The following CDKAL1 variants were observed in gnomAD, a reference collection of about 807,000 sequenced individuals.
CDKAL1 encodes the protein CDKAL1 threonylcarbamoyladenosine tRNA methylthiotransferase, also known as threonylcarbamoyladenosine tRNA methylthiotransferase.
CDKAL1 carries 32 observed loss-of-function variants against 68.2 expected under a neutral mutation model. The observed-to-expected ratio is 0.47, with a 90% CI of 0.35 to 0.63. The LOEUF is 0.63. Among genes scored for constraint, CDKAL1 ranks in the 30% least tolerant of loss-of-function variants. The pLI is 0.00. For synonymous variants in CDKAL1, 234 were observed against 244.3 expected (o/e 0.96, Z 0.39); for missense variants, 606 against 696.7 (o/e 0.87, Z 1.47).
intron 13 of CDKAL1, among the ~76,000 whole-genome samples, chr6:21,157,807 T>C (rs1776717452): frequency 6.6e-6 from 1 of 152,230 alleles, no homozygotes; most frequent in Non-Finnish European, 1.5e-5. Flanking sequence ...CCAGAGGGAC[T>C]GTGATTTCAC....
intron 11 of CDKAL1, among the ~76,000 whole-genome samples, chr6:21,059,087 T>C (rs1019340293): frequency 3.2e-4 from 48 of 152,224 alleles, no homozygotes; most frequent in African/African-American, 1.1e-3. Flanking sequence ...AGATCAGAGA[T>C]TTCTCTGTAA....
chr6:21,134,367 C>T (rs1254964744), intron 13 of CDKAL1, among the ~76,000 whole-genome samples: 1 of 152,130 alleles, frequency 6.6e-6, no homozygotes, highest in East Asian at 1.9e-4. Flanking sequence ...TTACCTTGTA[C>T]AAAATTGCTA....
chr6:21,176,706 T>G (rs1317393977), intron 13 of CDKAL1, among the ~76,000 whole-genome samples: 1 of 147,660 alleles, frequency 6.8e-6, no homozygotes, highest in Non-Finnish European at 1.5e-5. Context: ...GTTTTTTTTT[T>G]TTTTTTGAGA....
At chr6:20,647,483 C>T (rs534367300) in intron 4 of CDKAL1, among the ~76,000 whole-genome samples, 1 of 152,268 alleles carries the variant, frequency 6.6e-6, no homozygotes, top group East Asian at 1.9e-4. Flanking sequence ...GCCCATCACT[C>T]TGTTGGGATT....
At chr6:20,960,666 T>C (rs1765009154) in intron 10 of CDKAL1, among the ~76,000 whole-genome samples, 1 of 152,244 alleles carries the variant, frequency 6.6e-6, no homozygotes, top group Non-Finnish European at 1.5e-5. Flanking sequence ...CAAAGTTTAG[T>C]TTATTAACTG....
At chr6:20,965,996 G>C (rs1306976168) in intron 10 of CDKAL1, among the ~76,000 whole-genome samples, 1 of 152,130 alleles carries the variant, frequency 6.6e-6, no homozygotes, top group Non-Finnish European at 1.5e-5. Flanking sequence ...CCTATGAAAG[G>C]CTACCTTAGG....
chr6:21,083,518 T>C (rs1178620440), intron 12 of CDKAL1, among the ~76,000 whole-genome samples: 3 of 152,204 alleles, frequency 2.0e-5, no homozygotes, highest in African/African-American at 7.2e-5. Context: ...AGACATCATG[T>C]CCCTTTACCC....
chr6:21,011,377 C>G (rs936594324), intron 11 of CDKAL1, among the ~76,000 whole-genome samples: 2 of 151,730 alleles, frequency 1.3e-5, no homozygotes, highest in Admixed American at 6.6e-5. Context: ...GAGCGAGACT[C>G]TGTCTCAAAA....
chr6:21,042,325 G>C (rs1294370348), intron 11 of CDKAL1, among the ~76,000 whole-genome samples: 2 of 151,592 alleles, frequency 1.3e-5, no homozygotes, highest in African/African-American at 4.9e-5. Flanking sequence ...AACAAACACT[G>C]TTTTAGAACC....
chr6:20,894,027 C>T (rs1339275915), intron 9 of CDKAL1, among the ~76,000 whole-genome samples: 1 of 152,086 alleles, frequency 6.6e-6, no homozygotes, highest in Non-Finnish European at 1.5e-5. Context: ...AAATATGTTT[C>T]ATATTTTTGA....
At chr6:20,740,125 C>T (rs1276610492) in intron 6 of CDKAL1, among the ~76,000 whole-genome samples, 2 of 152,174 alleles carry the variant, frequency 1.3e-5, no homozygotes, top group Non-Finnish European at 2.9e-5. Context: ...AGTTACCTGT[C>T]GTATAATTCT....
chr6:20,704,144 G>T (rs544240312), intron 5 of CDKAL1, among the ~76,000 whole-genome samples: 1 of 152,218 alleles, frequency 6.6e-6, no homozygotes, highest in African/African-American at 2.4e-5. Flanking sequence ...GGTAGGGAGA[G>T]AAACAAACAA....
chr6:20,692,881 C>CT (rs1770931949), intron 5 of CDKAL1, among the ~76,000 whole-genome samples: 2 of 151,892 alleles, frequency 1.3e-5, no homozygotes, highest in African/African-American at 4.8e-5. Flanking sequence ...AATCCCAGCA[C>CT]TTTGGGAGGC....
At chr6:21,016,756 A>G (rs537885910) in intron 11 of CDKAL1, among the ~76,000 whole-genome samples, 46 of 151,914 alleles carry the variant, frequency 3.0e-4, no homozygotes, top group African/African-American at 1.0e-3. Context: ...CTCCCACCCA[A>G]TCTACTCTGG....
chr6:20,928,172 G>A (rs189888266), intron 9 of CDKAL1, among the ~76,000 whole-genome samples: 35 of 152,210 alleles, frequency 2.3e-4, no homozygotes, highest in African/African-American at 7.5e-4. Flanking sequence ...TGGAGTGATC[G>A]TTTTACAATC....
intron 13 of CDKAL1, among the ~76,000 whole-genome samples, chr6:21,142,314 GAA>G (rs71540615): frequency 2.9e-4 from 39 of 136,476 alleles, no homozygotes; most frequent in Non-Finnish European, 3.6e-4. Context: ...GCTGCCATAT[GAA>G]AAAAAAAAAA....
At chr6:20,622,401 T>C (rs1054638086) in intron 4 of CDKAL1, among the ~76,000 whole-genome samples, 2 of 152,190 alleles carry the variant, frequency 1.3e-5, no homozygotes, top group African/African-American at 4.8e-5. Context: ...GTGAGATATT[T>C]GAGAATTATA....
At chr6:20,597,471 G>A (rs1314999867) in intron 4 of CDKAL1, among the ~76,000 whole-genome samples, 2 of 151,498 alleles carry the variant, frequency 1.3e-5, no homozygotes, top group Admixed American at 1.3e-4. Flanking sequence ...CTGGAGTGCA[G>A]TGGCATAATA....
chr6:20,782,320 C>T (rs569799239), intron 8 of CDKAL1, among the ~76,000 whole-genome samples: 7 of 152,282 alleles, frequency 4.6e-5, no homozygotes, highest in East Asian at 3.9e-4. Flanking sequence ...TGGCCTTCAG[C>T]GTTGAAGATT....
Sources: gnomAD v4.1 joint callset for allele counts (sites outside exome capture counted in the v4.1 genomes callset) on GRCh38, gnomAD v4.1.1 for gene constraint, MANE v1.5 for transcripts, NCBI Gene and HGNC (gene_info 2026-07-23, HGNC 2026-07-21) for gene names.